The following PTPRK variants were observed in gnomAD, a reference collection of about 807,000 sequenced individuals.
PTPRK encodes the protein receptor-type tyrosine-protein phosphatase kappa.
Under a neutral mutation model 178.0 loss-of-function variants are expected in PTPRK, and 75 were observed. The ratio of observed to expected loss-of-function variants is 0.42; its 90% CI spans 0.35 to 0.51. The LOEUF is 0.51. PTPRK is among the 20% of genes least tolerant of loss of function. The pLI is 0.02. For missense variants in PTPRK, 1,441 were observed against 1,797.8 expected (o/e 0.80, Z 3.59); for synonymous variants, 637 against 620.6 (o/e 1.03, Z -0.39).
chr6:128,231,510 G>A (rs900019977), intron 5 of PTPRK, among the ~76,000 whole-genome samples: 11 of 152,204 alleles, frequency 7.2e-5, no homozygotes, highest in Non-Finnish European at 1.2e-4. Flanking sequence ...TGTCTTGTGA[G>A]CCAGAAGTTA....
intron 2 of PTPRK, among the ~76,000 whole-genome samples, chr6:128,368,961 AC>A (rs1409322294): frequency 4.0e-5 from 6 of 148,264 alleles, no homozygotes; most frequent in Non-Finnish European, 8.9e-5. Context: ...AAAAAAAAAA[AC>A]ACACACACAG....
chr6:128,478,993 A>G (rs564044368), intron 1 of PTPRK, among the ~76,000 whole-genome samples: 1 of 152,108 alleles, frequency 6.6e-6, no homozygotes, highest in African/African-American at 2.4e-5. Context: ...TCCTCCCTAG[A>G]GAGCTATAAA....
At chr6:128,224,591 A>C (rs1039461383) in intron 5 of PTPRK, among the ~76,000 whole-genome samples, 1 of 152,216 alleles carries the variant, frequency 6.6e-6, no homozygotes, top group Non-Finnish European at 1.5e-5. Flanking sequence ...CAAAATCTGC[A>C]TCAAGATATT....
rs1441760341 is a variant in PTPRK at position 128,019,693 on chromosome 6, CA to C, written c.2195-10426del. 3.9e-5 allele frequency among the ~76,000 whole-genome samples: 6 copies of C among 152,252 alleles called. No individual in the cohort carries two copies. In the East Asian group the frequency reaches 7.7e-4, roughly 20 times the overall value. Reference sequence around the variant, plus strand: ...TAGGGTTTGAAGAATCATCACTGAACAAAACAGAGAATATCTCCACTCTCGT... The same window carrying C: ...TAGGGTTTGAAGAATCATCACTGAACAAACAGAGAATATCTCCACTCTCGT... On this transcript the variant is annotated intron_variant, in intron 13 of 29. Coordinates refer to ENST00000368226, the MANE Select transcript of PTPRK (RefSeq NM_002844.4).
intron 13 of PTPRK, among the ~76,000 whole-genome samples, chr6:128,017,696 A>ACT (rs886830908): frequency 3.6e-5 from 5 of 137,482 alleles, no homozygotes; most frequent in African/African-American, 5.3e-5. Context: ...GCTCGCTCTC[A>ACT]CTCTCTCTCT....
Position 128,395,296 on chromosome 6 carries a change from T to C in PTPRK, c.223+2270A>G, listed in dbSNP as rs184655112. On this transcript the variant is annotated intron_variant, in intron 2 of 29. Coordinates refer to ENST00000368226, the MANE Select transcript of PTPRK (RefSeq NM_002844.4). ...TTCGGCAAAGTGGCCGTGACCTTTTTCCCTCCTCTGCATGATTAATTACTT... is the reference window on the plus strand; with the variant it reads ...TTCGGCAAAGTGGCCGTGACCTTTTCCCCTCCTCTGCATGATTAATTACTT... 2.2e-3 allele frequency among the ~76,000 whole-genome samples: 333 copies of C among 152,310 alleles called. 11 individuals carry two copies. The highest frequency in any genetic ancestry group is 0.011 in the East Asian group (57 of 5,188).
intron 13 of PTPRK, among the ~76,000 whole-genome samples, chr6:128,012,044 G>T (rs1283931356): frequency 6.6e-6 from 1 of 151,240 alleles, no homozygotes; most frequent in Non-Finnish European, 1.5e-5. Context: ...GCCAAGAGTT[G>T]TTCACTAATC....
At chr6:128,108,007 C>G (rs905705555) in intron 7 of PTPRK, among the ~76,000 whole-genome samples, 1 of 151,568 alleles carries the variant, frequency 6.6e-6, no homozygotes, top group African/African-American at 2.4e-5. Context: ...AGAAAGTGAT[C>G]TCTCAACCAT....
chr6:128,084,476 T>A (rs1785388448), intron 8 of PTPRK, among the ~76,000 whole-genome samples: 1 of 152,228 alleles, frequency 6.6e-6, no homozygotes, highest in African/African-American at 2.4e-5. Context: ...GAAATTCACT[T>A]ATTCAAAGGT....
At chr6:128,060,019 T>C (rs1003062764) in intron 13 of PTPRK, among the ~76,000 whole-genome samples, 8 of 152,102 alleles carry the variant, frequency 5.3e-5, no homozygotes, top group Admixed American at 3.9e-4. Context: ...GCTATTTCTC[T>C]AGGAACATGG....
At chr6:127,979,583 G>GC (rs1216403254) in intron 25 of PTPRK, among the ~76,000 whole-genome samples, 7 of 152,214 alleles carry the variant, frequency 4.6e-5, no homozygotes, top group Admixed American at 2.6e-4. Context: ...TCCGATCACA[G>GC]CAAGGATGAG....
At chr6:128,471,034 T>G in intron 1 of PTPRK, among the ~76,000 whole-genome samples, 1 of 151,870 alleles carries the variant, frequency 6.6e-6, no homozygotes, top group South Asian at 2.1e-4. Flanking sequence ...ATCAAAATAT[T>G]CTTAGAATAT....
intron 7 of PTPRK, among the ~76,000 whole-genome samples, chr6:128,101,443 C>T (rs1562584990): frequency 6.6e-6 from 1 of 152,060 alleles, no homozygotes; most frequent in Non-Finnish European, 1.5e-5. Flanking sequence ...CCACATAGTA[C>T]CTCATCTGTT....
chr6:128,201,768 T>G (rs1375077088), intron 6 of PTPRK, among the ~76,000 whole-genome samples: 3 of 152,088 alleles, frequency 2.0e-5, no homozygotes, highest in Admixed American at 2.0e-4. Context: ...AGGTAATAAC[T>G]ATCATGCTAC....
intron 8 of PTPRK, among the ~76,000 whole-genome samples, chr6:128,088,062 T>G (rs1357384058): frequency 6.6e-6 from 1 of 152,158 alleles, no homozygotes; most frequent in Admixed American, 6.5e-5. Context: ...TAAAAAACAT[T>G]CTGTTTTATG....
chr6:128,044,326 C>T (rs562725318), intron 13 of PTPRK, among the ~76,000 whole-genome samples: 1 of 152,142 alleles, frequency 6.6e-6, no homozygotes, highest in South Asian at 2.1e-4. Context: ...ACCCATTTCT[C>T]TCTCATGCCA....
chr6:128,068,547 T>C (rs1271468510), intron 11 of PTPRK, among the ~76,000 whole-genome samples: 5 of 152,076 alleles, frequency 3.3e-5, no homozygotes, highest in Non-Finnish European at 5.9e-5. Flanking sequence ...GCAATTACTT[T>C]ACAAAGGAGA....
At chr6:128,031,400 A>G (rs1189113033) in intron 13 of PTPRK, among the ~76,000 whole-genome samples, 2 of 152,246 alleles carry the variant, frequency 1.3e-5, no homozygotes, top group African/African-American at 2.4e-5. Flanking sequence ...TAAATGTTCA[A>G]TAATGATACA....
intron 2 of PTPRK, among the ~76,000 whole-genome samples, chr6:128,379,023 T>G (rs1274202848): frequency 2.0e-5 from 3 of 152,136 alleles, no homozygotes; most frequent in African/African-American, 7.2e-5. Flanking sequence ...AAGGCACTAT[T>G]AAGAAAGAAA....
Sources: gnomAD v4.1 joint callset for allele counts (sites outside exome capture counted in the v4.1 genomes callset) on GRCh38, gnomAD v4.1.1 for gene constraint, MANE v1.5 for transcripts, NCBI Gene and HGNC (gene_info 2026-07-23, HGNC 2026-07-21) for gene names.